TNR: variants seen among roughly 807,000 people sequenced by gnomAD.
The protein encoded by TNR is tenascin R.
In TNR, 45 loss-of-function variants were observed where a neutral mutation model predicts 150.4. The observed-to-expected ratio is 0.30, with a 90% CI of 0.24 to 0.38. The LOEUF is 0.38. Among genes scored for constraint, TNR ranks in the 10% least tolerant of loss-of-function variants. The pLI, the probability that TNR is intolerant of heterozygous loss-of-function variation, is 1.00. For synonymous variants in TNR, 687 were observed against 678.4 expected, an observed-to-expected ratio of 1.01 and a Z score of -0.20; for missense variants, 1,544 against 1,759.1, an observed-to-expected ratio of 0.88 and a Z score of 2.19.
rs1649647649 is a variant in TNR at position 175,330,079 on chromosome 1, G to C, written c.3788C>G (p.Thr1263Ser). The change falls in exon 21 of 23, where the codon ACT becomes AGT. Residue 1263 changes from threonine to serine, a missense_variant. Thr to Ser is a moderately conservative substitution (Grantham distance 58). Around this residue, in one of 2 missense-constraint regions of TNR, gnomAD observed 290 missense variants for 429.7 expected, o/e 0.67. Coordinates refer to ENST00000367674, the MANE Select transcript of TNR (RefSeq NM_003285.3). ...TGCTCAGGAGCCATAGGTACCCGCA[G>C]TGCCGTTGTAGCTTCCTATGCGGAG... Reference protein sequence around the residue: ...YKLRIGSYNGTAGDSLSYHQG... With the variant: ...YKLRIGSYNGSAGDSLSYHQG... 1 of 1,584,276 alleles carries C rather than the reference G, an allele frequency of 6.3e-7. No homozygotes were observed. The highest frequency in any genetic ancestry group is 1.3e-5 in the African/African-American group (1 of 74,520).
At chr1:175,496,175 C>T (rs1260919677) in intron 2 of TNR, among the ~76,000 whole-genome samples, 1 of 152,098 alleles carries the variant, frequency 6.6e-6, no homozygotes, top group Non-Finnish European at 1.5e-5. Flanking sequence ...GCCGGATTCC[C>T]ACAGATACTA....
chr1:175,365,301 T>C, intron 11 of TNR, 22 bp from the exon 12 acceptor site: 1 of 1,581,718 alleles, frequency 6.3e-7, no homozygotes, highest in South Asian at 1.2e-5. Context: ...AGGAGATGGA[T>C]GGTCCTGAAA....
rs368884234 is a variant in TNR, at chr1:175,505,822, C to T, written c.-64+22447G>A. On this transcript the variant is annotated intron_variant, in intron 2 of 22. Transcript: ENST00000367674. Reference sequence around the variant, plus strand: ...TTGGGAGGCCGAGGTGGGTGGATCACCTGAGGCCGGGAGTTCAAGACCAGT... The same window carrying T: ...TTGGGAGGCCGAGGTGGGTGGATCATCTGAGGCCGGGAGTTCAAGACCAGT... Among the ~76,000 whole-genome samples the T allele has an allele frequency of 2.8e-4, 43 of 152,342 alleles. No individual in the cohort carries two copies. In the South Asian group the frequency reaches 5.0e-3, roughly 18 times the overall value.
rs1663138716 is a variant in TNR at position 175,599,374 on chromosome 1, C to A, written c.-164-71005G>T. On this transcript the variant is annotated intron_variant, in intron 1 of 22. Transcript: ENST00000367674. This position sits in a 1 kb window ranked among gnomAD's most constrained non-coding sequence, Gnocchi z 4.7. ...GGCACACACGCGCCTTCTGCTCACA[C>A]CTCAGGCAGTCGGAGGGGCCCGGCG... 6.6e-6 allele frequency among the ~76,000 whole-genome samples: 1 copy of A among 152,258 alleles called. No individual in the cohort carries two copies. Among genetic ancestry groups the A allele is most frequent in the Admixed American group, 6.5e-5 (1 of 15,292 alleles).
chr1:175,530,981 C>G (rs185214426), intron 1 of TNR, among the ~76,000 whole-genome samples: 7 of 152,320 alleles, frequency 4.6e-5, no homozygotes, highest in African/African-American at 1.7e-4. Context: ...GAAGAGGATA[C>G]AGCCACCACC....
At chr1:175,402,895 G>A (rs568187347) in intron 4 of TNR, among the ~76,000 whole-genome samples, 2 of 152,170 alleles carry the variant, frequency 1.3e-5, no homozygotes, top group South Asian at 4.2e-4. Context: ...TAGTCTCAGG[G>A]GTAACAATCC....
At chr1:175,671,489 G>T (rs771038415) in intron 1 of TNR, among the ~76,000 whole-genome samples, 2 of 152,132 alleles carry the variant, frequency 1.3e-5, no homozygotes, top group Non-Finnish European at 2.9e-5. Context: ...ACCTTGCCAG[G>T]GCCCCTGAAT....
chr1:175,449,277 C>T (rs1378975252), intron 2 of TNR, among the ~76,000 whole-genome samples: 1 of 152,202 alleles, frequency 6.6e-6, no homozygotes, highest in East Asian at 1.9e-4. Flanking sequence ...CACACAAACA[C>T]ATATGCATGC....
chr1:175,729,414 C>CCTCTCT (rs10655316), intron 1 of TNR, among the ~76,000 whole-genome samples: 2,084 of 149,010 alleles, frequency 0.014, 23 homozygotes, highest in South Asian at 0.055. Flanking sequence ...TGGTGTAAGG[C>CCTCTCT]CTCTCTCTCT....
intron 2 of TNR, among the ~76,000 whole-genome samples, chr1:175,480,535 C>T (rs1474291167): frequency 6.6e-6 from 1 of 152,146 alleles, no homozygotes; most frequent in Non-Finnish European, 1.5e-5. Flanking sequence ...CATTTATAGC[C>T]TATTCCTTCT....
chr1:175,652,539 G>A (rs943810691), intron 1 of TNR, among the ~76,000 whole-genome samples: 2 of 152,206 alleles, frequency 1.3e-5, no homozygotes, highest in African/African-American at 4.8e-5. Flanking sequence ...GGGGCCTGGT[G>A]GGAGGTGACC....
At chr1:175,571,848 A>T (rs1380194360) in intron 1 of TNR, among the ~76,000 whole-genome samples, 1 of 152,246 alleles carries the variant, frequency 6.6e-6, no homozygotes. Context: ...CATCAGGCAG[A>T]GTAGGGACTG....
At chr1:175,383,602 T>C (rs74126996) in intron 8 of TNR, among the ~76,000 whole-genome samples, 3,977 of 152,276 alleles carry the variant, frequency 0.026, 164 homozygotes, top group African/African-American at 0.09. Context: ...CCCAAGCAAA[T>C]ATCCACTCAC....
At chr1:175,403,677 G>T in intron 3 of TNR, 61 bp from the exon 4 acceptor site, 1 of 1,410,378 alleles carries the variant, frequency 7.1e-7, no homozygotes, top group South Asian at 1.3e-5. Flanking sequence ...ATGGTGCTGG[G>T]GAAGGATGGG....
At chr1:175,490,210 T>A (rs547379389) in intron 2 of TNR, among the ~76,000 whole-genome samples, 2,740 of 152,178 alleles carry the variant, frequency 0.018, 38 homozygotes, top group South Asian at 0.042. Flanking sequence ...TTCCACCATA[T>A]AAAAAATTAA....
At chr1:175,736,498 A>G (rs903318696) in intron 1 of TNR, among the ~76,000 whole-genome samples, 3 of 151,220 alleles carry the variant, frequency 2.0e-5, no homozygotes, top group African/African-American at 7.3e-5. Flanking sequence ...TCCAGCCTGG[A>G]CGACAGAACA....
At chr1:175,413,027 C>CT (rs899518834) in intron 2 of TNR, among the ~76,000 whole-genome samples, 7 of 152,094 alleles carry the variant, frequency 4.6e-5, no homozygotes, top group African/African-American at 1.7e-4. Context: ...GTCTTTGGCA[C>CT]TTTTTTCTTT....
chr1:175,363,923 G>A, intron 12 of TNR, 96 bp from the exon 13 acceptor site: 2 of 1,447,846 alleles, frequency 1.4e-6, no homozygotes, highest in Non-Finnish European at 1.9e-6. Context: ...AGCCAATGTT[G>A]TCCCAAAGGC....
intron 1 of TNR, among the ~76,000 whole-genome samples, chr1:175,681,750 T>G (rs928471555): frequency 3.3e-5 from 5 of 152,070 alleles, no homozygotes; most frequent in African/African-American, 1.2e-4. Flanking sequence ...AATCACAGAT[T>G]GAGCAACTGC....
Sources: gnomAD v4.1 joint callset for allele counts (sites outside exome capture counted in the v4.1 genomes callset) on GRCh38, gnomAD v4.1.1 for gene constraint, gnomAD v4.1.1 regional missense constraint, Gnocchi (gnomAD v3.1) non-coding constraint, MANE v1.5 for transcripts, NCBI Gene and HGNC (gene_info 2026-07-23, HGNC 2026-07-21) for gene names.